The following GLI2 variants were observed in gnomAD, a reference collection of about 807,000 sequenced individuals.
GLI2 encodes the protein transcription activator GLI2.
A neutral mutation model predicts 78.9 loss-of-function variants in GLI2; 22 were observed. The ratio of observed to expected loss-of-function variants is 0.28; its 90% CI spans 0.20 to 0.40. The LOEUF (loss-of-function observed/expected upper bound fraction) is 0.40, where lower values mean the gene tolerates loss of function less well. Ranked by LOEUF, GLI2 falls within the 10% of genes least tolerant of loss-of-function variation. GLI2 has a pLI of 1.00. For synonymous variants in GLI2, 974 were observed against 963.7 expected (o/e 1.01, Z -0.20); for missense variants, 2,097 against 2,213.2 (o/e 0.95, Z 1.05).
intron 2 of GLI2, among the ~76,000 whole-genome samples, chr2:120,821,022 C>A (rs955400484): frequency 6.6e-6 from 1 of 152,016 alleles, no homozygotes; most frequent in African/African-American, 2.4e-5. Context: ...TTGCCAAGGC[C>A]GACCCACCCA....
chr2:120,839,873 G>A lies in GLI2; in HGVS notation c.148+42405G>A, dbSNP rs147032240. Among the ~76,000 whole-genome samples the A allele has an allele frequency of 1.0e-3, 157 of 152,316 alleles. 1 individual carries two copies. The highest frequency in any genetic ancestry group is 3.7e-3 in the African/African-American group (152 of 41,584). On this transcript the variant is annotated intron_variant, in intron 2 of 13. Transcript: ENST00000361492. Reference sequence around the variant, plus strand: ...CCACTGCACCCAGCCTTTTCACAGAGTTTTATTAATCCTTGCAAAGGTCTA... The same window carrying A: ...CCACTGCACCCAGCCTTTTCACAGAATTTTATTAATCCTTGCAAAGGTCTA...
chr2:120,846,190 G>A (rs1029369977), intron 2 of GLI2, among the ~76,000 whole-genome samples: 1 of 152,184 alleles, frequency 6.6e-6, no homozygotes, highest in African/African-American at 2.4e-5. Flanking sequence ...CTTCTTCAAA[G>A]CCACCCAATT....
chr2:120,962,948 T>G (rs1681657803), intron 5 of GLI2, among the ~76,000 whole-genome samples: 1 of 152,220 alleles, frequency 6.6e-6, no homozygotes, highest in African/African-American at 2.4e-5. Context: ...CCACTCAGTT[T>G]GTAAGTAATA....
chr2:120,739,925 C>A (rs1348817772), intron 1 of GLI2, among the ~76,000 whole-genome samples: 1 of 152,176 alleles, frequency 6.6e-6, no homozygotes, highest in Non-Finnish European at 1.5e-5. Context: ...CTAATTGTTT[C>A]CTCAGGCTTG....
chr2:120,988,786 C>T lies in GLI2; in HGVS notation c.2821C>T (p.Pro941Ser). 7.4e-7 allele frequency: 1 copy of T among 1,357,780 alleles called. No individual in the cohort carries two copies. The highest frequency in any genetic ancestry group is 1.5e-5 in the South Asian group (1 of 65,734). 84.1% of individuals were successfully genotyped at this position (1,357,780 alleles called of 1,614,324 possible). A position where few individuals can be genotyped will look rare whatever the true frequency, so the allele number is the denominator to read the frequency against. The part of the protein sequence containing the change: ...HGHAGAAPAF[P>S]HEAPGGGARR... ...CCACGCGGGGGCTGCGCCCGCCTTC[C>T]CCCACGAGGCTCCAGGCGGCGGAGC... Residue 941 changes from proline to serine, a missense_variant, in exon 14 of 14, where the codon CCC (proline) becomes TCC (serine). By Grantham distance (74) the Pro-to-Ser change is moderately conservative (BLOSUM62 -1). Coordinates refer to ENST00000361492, the MANE Select transcript of GLI2 (RefSeq NM_001374353.1).
At position 120,975,223 on chromosome 2, in the gene GLI2, G is replaced by A. The variant is rs1197364989; in HGVS notation, c.1317+114G>A. 4 of 989,412 alleles carry A rather than the reference G, an allele frequency of 4.0e-6. No homozygotes were observed. The South Asian group carries it at 6.2e-5, about 15-fold the overall frequency. 61.3% of individuals were successfully genotyped at this position (989,412 alleles called of 1,614,324 possible). A position where few individuals can be genotyped will look rare whatever the true frequency, so the allele number is the denominator to read the frequency against. ...AAGGGGCTGGAGGAAGAGACCCCCA[G>A]AGATGCCTGGGCCACATCCCCTGCA... is the stretch of plus-strand genomic sequence containing the variant. On this transcript the variant is annotated intron_variant, in intron 9 of 13. Coordinates refer to ENST00000361492, the MANE Select transcript of GLI2 (RefSeq NM_001374353.1).
intron 8 of GLI2, among the ~76,000 whole-genome samples, chr2:120,972,357 C>G (rs1365052644): frequency 1.3e-5 from 2 of 152,246 alleles, no homozygotes; most frequent in Non-Finnish European, 2.9e-5. Context: ...TCTCTCTCGC[C>G]ACACCTGACC....
At chr2:120,744,649 A>T (rs985394693) in intron 1 of GLI2, among the ~76,000 whole-genome samples, 4 of 152,264 alleles carry the variant, frequency 2.6e-5, no homozygotes, top group Non-Finnish European at 5.9e-5. Flanking sequence ...TATGGCTAAA[A>T]CTTTAACTAC....
At chr2:120,738,484 T>C (rs550822336) in intron 1 of GLI2, among the ~76,000 whole-genome samples, 1 of 152,300 alleles carries the variant, frequency 6.6e-6, no homozygotes, top group East Asian at 1.9e-4. Flanking sequence ...TCGAGAAATA[T>C]GCCAGTTTCA....
chr2:120,792,182 G>A (rs889493950), intron 1 of GLI2: 1 of 152,242 alleles, frequency 6.6e-6, no homozygotes, highest in African/African-American at 2.4e-5. Flanking sequence ...GTTTCAGGGT[G>A]ATTCGCTCAT....
intron 2 of GLI2, among the ~76,000 whole-genome samples, chr2:120,841,547 G>A (rs965542708): frequency 1.3e-5 from 2 of 152,254 alleles, no homozygotes; most frequent in South Asian, 4.1e-4. Context: ...GTAAGCTTAA[G>A]TCAAGAGTGA....
At chr2:120,855,143 C>A (rs1005995918) in intron 2 of GLI2, among the ~76,000 whole-genome samples, 1 of 152,212 alleles carries the variant, frequency 6.6e-6, no homozygotes, top group Non-Finnish European at 1.5e-5. Context: ...GACATGCAAA[C>A]TCACAGAAAT....
chr2:120,936,051 G>C (rs896976829), intron 3 of GLI2, among the ~76,000 whole-genome samples: 7 of 152,134 alleles, frequency 4.6e-5, no homozygotes, highest in Admixed American at 4.6e-4. Context: ...GAACTATTCG[G>C]TTCCTCTCCT....
chr2:120,870,553 T>G (rs954354392), intron 2 of GLI2, among the ~76,000 whole-genome samples: 3 of 152,144 alleles, frequency 2.0e-5, no homozygotes, highest in African/African-American at 7.2e-5. Context: ...AGCGGAGGTG[T>G]GACTGCCAGT....
chr2:120,787,571 C>T (rs991232479), intron 1 of GLI2, among the ~76,000 whole-genome samples: 14 of 152,176 alleles, frequency 9.2e-5, no homozygotes, highest in Non-Finnish European at 1.6e-4. Context: ...TCAGCCTGCC[C>T]GGGGCAGTGT....
intron 1 of GLI2, among the ~76,000 whole-genome samples, chr2:120,775,619 A>G (rs1573366296): frequency 1.3e-5 from 2 of 152,300 alleles, no homozygotes; most frequent in East Asian, 3.9e-4. Context: ...AGAGTAATTA[A>G]GAGCCCCTGG....
intron 5 of GLI2, among the ~76,000 whole-genome samples, chr2:120,956,223 G>C (rs770995872): frequency 1.4e-4 from 22 of 152,132 alleles, no homozygotes; most frequent in Non-Finnish European, 2.6e-4. Flanking sequence ...CTGGAATATA[G>C]AGTTGAAAGA....
At position 120,772,425 on chromosome 2, in the gene GLI2, T is replaced by C. The variant is rs1266768232; in HGVS notation, c.-30-24866T>C. 2.0e-5 allele frequency among the ~76,000 whole-genome samples: 3 copies of C among 152,208 alleles called. No homozygotes were observed. In the East Asian group the frequency reaches 5.8e-4, roughly 29 times the overall value. The stretch of plus-strand genomic sequence containing the variant: ...CCAGAGGTCATAGAGCACACTTGTT[T>C]TGCTTTCTATATGGGCTAGTGTGGA... On this transcript the variant is annotated intron_variant, in intron 1 of 13. Transcript: ENST00000361492.
chr2:120,848,337 G>A (rs975490894), intron 2 of GLI2, among the ~76,000 whole-genome samples: 15 of 152,188 alleles, frequency 9.9e-5, no homozygotes, highest in Admixed American at 3.3e-4. Flanking sequence ...TGGGAGCTAC[G>A]CAGCCTCACC....
Sources: gnomAD v4.1 joint callset for allele counts (sites outside exome capture counted in the v4.1 genomes callset) on GRCh38, gnomAD v4.1.1 for gene constraint, MANE v1.5 for transcripts, NCBI Gene and HGNC (gene_info 2026-07-23, HGNC 2026-07-21) for gene names.